GPD2: variants seen among roughly 807,000 people sequenced by gnomAD.
GPD2 encodes glycerol-3-phosphate dehydrogenase 2.
In GPD2, 54 loss-of-function variants were observed where a neutral mutation model predicts 82.4. The observed-to-expected ratio is 0.66, with a 90% CI of 0.53 to 0.82. The LOEUF (loss-of-function observed/expected upper bound fraction) is 0.82. Among genes scored for constraint, GPD2 ranks in the 40% least tolerant of loss-of-function variants. The pLI is 0.00. For missense variants in GPD2, 748 were observed against 896.2 expected (o/e 0.83, Z 2.11); for synonymous variants, 288 against 306.1 (o/e 0.94, Z 0.62).
At chr2:156,457,049 T>G (rs1255938112) in intron 1 of GPD2, among the ~76,000 whole-genome samples, 1 of 152,168 alleles carries the variant, frequency 6.6e-6, no homozygotes, top group Admixed American at 6.5e-5. Context: ...GACACATTCT[T>G]GAGAAATAGC....
chr2:156,432,383 A>C (rs1048422088), upstream of GPD2, among the ~76,000 whole-genome samples: 1 of 152,116 alleles, frequency 6.6e-6, no homozygotes, highest in Non-Finnish European at 1.5e-5. Flanking sequence ...CATAGTACCA[A>C]ATTGGAAGTT....
rs866509791 is a variant in GPD2, at chr2:156,579,798, G to C, written c.2058+10G>C. On this transcript the variant is annotated intron_variant, in intron 16 of 16. Coordinates refer to ENST00000438166, the MANE Select transcript of GPD2 (RefSeq NM_000408.5). ...CAATGAATTTTTGCAGGTGAGTTGT[G>C]GTGAAAGGAAACAAGGATATTTGCT... 1 of 1,276,208 alleles carries C rather than the reference G, an allele frequency of 7.8e-7. No homozygotes were observed. Among genetic ancestry groups the C allele is most frequent in the Admixed American group, 1.7e-5 (1 of 59,590 alleles). The allele number at this position is 1,276,208 out of a possible 1,614,324, so 79.1% of individuals were successfully genotyped here. A position where few individuals can be genotyped will look rare whatever the true frequency, so the allele number is the denominator to read the frequency against.
intron 6 of GPD2, among the ~76,000 whole-genome samples, chr2:156,542,789 G>A (rs988187875): frequency 2.6e-5 from 4 of 152,128 alleles, no homozygotes; most frequent in African/African-American, 9.7e-5. Flanking sequence ...AACACTTTCT[G>A]TAACTGCCTG....
At chr2:156,541,824 GTTTTTTTTT>G (rs61067726) in intron 6 of GPD2, among the ~76,000 whole-genome samples, 20 of 81,460 alleles carry the variant, frequency 2.5e-4, no homozygotes, top group South Asian at 9.4e-4. Context: ...AATGCTGTTT[GTTTTTTTTT>G]TTTTTTTTTT....
chr2:156,415,156 C>CTTT, the GPD2 span, among the ~76,000 whole-genome samples: 51 of 114,600 alleles, frequency 4.5e-4, no homozygotes, highest in East Asian at 5.4e-4. Flanking sequence ...TTGTATCATT[C>CTTT]TTTTTTTTTT....
intron 15 of GPD2, among the ~76,000 whole-genome samples, chr2:156,579,391 C>T (rs867428422): frequency 2.0e-5 from 3 of 148,860 alleles, no homozygotes; most frequent in Non-Finnish European, 4.4e-5. Context: ...CAGTGTTGCA[C>T]GATCTCGGCT....
chr2:156,465,136 C>T (rs1683107554), intron 1 of GPD2, among the ~76,000 whole-genome samples: 1 of 152,178 alleles, frequency 6.6e-6, no homozygotes, highest in Non-Finnish European at 1.5e-5. Context: ...CAGGCATGAG[C>T]CACCGTGCCC....
In GPD2 at chr2:156,584,536, CAG is replaced by C. The variant is rs571491628; in HGVS notation, c.*1620_*1621del. 386 of 152,496 alleles carry C rather than the reference CAG, an allele frequency of 2.5e-3. 4 individuals are homozygous for C. Among genetic ancestry groups the C allele is most frequent in the African/African-American group, 8.8e-3 (367 of 41,518 alleles). 9.4% of individuals were successfully genotyped at this position (152,496 alleles called of 1,614,324 possible). A position where few individuals can be genotyped will look rare whatever the true frequency, so the allele number is the denominator to read the frequency against. On this transcript the variant is annotated 3_prime_UTR_variant, in exon 17 of 17. Transcript: ENST00000438166. ...ACTCACCCACCACCTCTGAAAGAAA[CAG>C]AAACTGCAGAGAAAGACAGCATCTT...
At chr2:156,485,187 G>C (rs1683894391) in intron 2 of GPD2, among the ~76,000 whole-genome samples, 1 of 152,080 alleles carries the variant, frequency 6.6e-6, no homozygotes, top group African/African-American at 2.4e-5. Flanking sequence ...TCCATATCTT[G>C]GCTGTTGTGA....
intron 2 of GPD2, among the ~76,000 whole-genome samples, chr2:156,488,863 T>A (rs1204519686): frequency 3.3e-5 from 5 of 152,186 alleles, no homozygotes; most frequent in African/African-American, 1.2e-4. Flanking sequence ...TTGAAAAAAA[T>A]CTACTTCTCC....
intron 6 of GPD2, among the ~76,000 whole-genome samples, chr2:156,521,484 TAAGTACAA>T (rs1685406104): frequency 6.6e-6 from 1 of 152,220 alleles, no homozygotes; most frequent in Non-Finnish European, 1.5e-5. Context: ...AAATAATTTA[TAAGTACAA>T]AACATTACTC....
intron 6 of GPD2, among the ~76,000 whole-genome samples, chr2:156,520,990 A>C (rs297596): frequency 0.7 from 106,922 of 152,050 alleles, 37,772 homozygotes; most frequent in Middle Eastern, 0.82. Flanking sequence ...TTGGGGGTAC[A>C]TTGTGATCTA....
chr2:156,433,334 G>A (rs1199388858), upstream of GPD2, among the ~76,000 whole-genome samples: 2 of 152,124 alleles, frequency 1.3e-5, no homozygotes, highest in African/African-American at 2.4e-5. Flanking sequence ...CTGCTTCTAA[G>A]ATCAGTGCTT....
intron 1 of GPD2, among the ~76,000 whole-genome samples, chr2:156,444,439 G>C (rs893444630): frequency 1.3e-5 from 2 of 152,162 alleles, no homozygotes; most frequent in African/African-American, 4.8e-5. Flanking sequence ...TCCGCAGGGG[G>C]CAGTGGCTCA....
At chr2:156,412,214 T>C in the GPD2 span, among the ~76,000 whole-genome samples, 2 of 152,044 alleles carry the variant, frequency 1.3e-5, no homozygotes, top group Non-Finnish European at 1.5e-5. Flanking sequence ...GGTGGGTGGA[T>C]CATTTGAGGT....
At position 156,550,627 on chromosome 2, in the gene GPD2, A is replaced by G. The variant is rs1057522190; in HGVS notation, c.852A>G (p.Lys284=). ...GGCAGGAATTTGACGTGAGAGCCAA[A>G]TGTGTTATCAATGCCACGGGACCTT... ...LTGQEFDVRA[K]CVINATGPFT... The change falls in exon 8 of 17, where the codon AAA becomes AAG. Residue 284 remains lysine, a synonymous_variant. Coordinates refer to ENST00000438166, the MANE Select transcript of GPD2 (RefSeq NM_000408.5). 1.4e-5 allele frequency: 22 copies of G among 1,613,964 alleles called. No individual in the cohort carries two copies. Among genetic ancestry groups the G allele is most frequent in the Non-Finnish European group, 1.8e-5 (21 of 1,179,934 alleles).
intron 6 of GPD2, among the ~76,000 whole-genome samples, chr2:156,534,258 T>G (rs555060392): frequency 2.2e-4 from 33 of 152,372 alleles, no homozygotes; most frequent in Non-Finnish European, 4.8e-4. Flanking sequence ...TCTCCTCTGC[T>G]GTGCCACTCT....
chr2:156,448,070 A>G (rs939773506), intron 1 of GPD2, among the ~76,000 whole-genome samples: 2 of 149,898 alleles, frequency 1.3e-5, no homozygotes, highest in African/African-American at 4.9e-5. Flanking sequence ...TCATCCATCC[A>G]TTTGTTTGTT....
chr2:156,480,812 T>C (rs1258140768), intron 2 of GPD2, among the ~76,000 whole-genome samples: 1 of 150,886 alleles, frequency 6.6e-6, no homozygotes, highest in East Asian at 2.0e-4. Context: ...AGTTTCACTC[T>C]TGTTGCCCAG....
Sources: allele counts gnomAD v4.1 joint callset (sites outside exome capture counted in the v4.1 genomes callset), GRCh38; gene constraint gnomAD v4.1.1; transcripts MANE v1.5; gene names NCBI Gene and HGNC (gene_info 2026-07-23, HGNC 2026-07-21).